Variants in FSIP2 observed in about 807,000 individuals in gnomAD.
FSIP2 encodes fibrous sheath-interacting protein 2.
A neutral mutation model predicts 510.5 loss-of-function variants in FSIP2; 367 were observed. That is an observed-to-expected ratio of 0.72 (90% CI 0.66 to 0.78). FSIP2 has a LOEUF of 0.78. Ranked by LOEUF, FSIP2 falls within the 30% of genes least tolerant of loss-of-function variation. The probability of loss-of-function intolerance (pLI) is 0.00; values close to 1 mark genes in which losing one functional copy is unlikely to be tolerated. For synonymous variants in FSIP2, 2,601 were observed against 2,732.2 expected (o/e 0.95, Z 1.50); for missense variants, 7,594 against 7,901.7 (o/e 0.96, Z 1.48).
At chr2:185,740,744 G>A (rs1691906925) in intron 2 of FSIP2, among the ~76,000 whole-genome samples, 1 of 152,100 alleles carries the variant, frequency 6.6e-6, no homozygotes, top group Non-Finnish European at 1.5e-5. Flanking sequence ...TCCCTGCATG[G>A]TAGAAAGAAG....
chr2:185,773,231 T>G (rs748996483), intron 13 of FSIP2, among the ~76,000 whole-genome samples: 4 of 152,164 alleles, frequency 2.6e-5, no homozygotes, highest in Non-Finnish European at 5.9e-5. Context: ...TGGGAAAAAT[T>G]TATTTCTCCT....
rs1421015894 is a variant in FSIP2 at position 185,793,231 on chromosome 2, G to A, written c.6095G>A (p.Gly2032Glu). 2.0e-6 allele frequency: 3 copies of A among 1,533,832 alleles called. No homozygotes were observed. The highest frequency in any genetic ancestry group is 2.4e-5 in the East Asian group (1 of 40,830). The change falls in exon 16 of 23, where the codon GGG (glycine) becomes GAG (glutamate). Residue 2032 changes from glycine (G) to glutamate (E), a missense_variant. Physicochemically the swap from Gly to Glu is moderately conservative, Grantham distance 98. Coordinates refer to ENST00000424728, the MANE Select transcript of FSIP2 (RefSeq NM_173651.4). The stretch of plus-strand genomic sequence containing the variant: ...AATCCTTTTTTAACTCATGACATTG[G>A]GATTTCTGAAAGTATTGCAAGTCAA... ...RENPFLTHDIGISESIASQIV... is the reference protein window; with the variant it reads ...RENPFLTHDIEISESIASQIV...
At chr2:185,816,222 T>A (rs151134247) in intron 19 of FSIP2, among the ~76,000 whole-genome samples, 79 of 151,126 alleles carry the variant, frequency 5.2e-4, no homozygotes, top group Non-Finnish European at 9.5e-4. Context: ...TCATTCAGCA[T>A]GCTGGAATTG....
At chr2:185,827,261 C>G (rs984055999) in intron 20 of FSIP2, among the ~76,000 whole-genome samples, 2 of 151,510 alleles carry the variant, frequency 1.3e-5, no homozygotes, top group East Asian at 2.0e-4. Context: ...TTTACTATTA[C>G]TTTTTTTTAG....
intron 19 of FSIP2, among the ~76,000 whole-genome samples, chr2:185,820,317 T>C (rs566845256): frequency 6.6e-6 from 1 of 152,032 alleles, no homozygotes; most frequent in Admixed American, 6.6e-5. Flanking sequence ...ACCATGATTG[T>C]AAGTTTCCTG....
Position 185,739,427 on chromosome 2 carries a change from C to G in FSIP2, c.181C>G (p.Pro61Ala), listed in dbSNP as rs1462894396. The change falls in exon 2 of 23, where the codon CCA becomes GCA. Residue 61 changes from proline to alanine, a missense_variant. Coordinates refer to ENST00000424728, the MANE Select transcript of FSIP2 (RefSeq NM_173651.4). Reference sequence around the variant, plus strand: ...TCTCGGGGTCAAGCTGCCTGTGATCCCAGGAAGCAATGCTGTATTCTATAC... The same window carrying G: ...TCTCGGGGTCAAGCTGCCTGTGATCGCAGGAAGCAATGCTGTATTCTATAC... Reference protein sequence around the residue: ...LPLGVKLPVIPGSNAVFYTTN... With the variant: ...LPLGVKLPVIAGSNAVFYTTN... 1.3e-6 allele frequency: 2 copies of G among 1,534,160 alleles called. No individual in the cohort carries two copies. Among genetic ancestry groups the G allele is most frequent in the East Asian group, 4.9e-5 (2 of 40,772 alleles).
chr2:185,750,062 A>G (rs1449452535), intron 7 of FSIP2, among the ~76,000 whole-genome samples: 1 of 151,638 alleles, frequency 6.6e-6, no homozygotes, highest in African/African-American at 2.4e-5. Context: ...TGTTGTATTA[A>G]ATTTGCCAAC....
chr2:185,818,617 A>AT (rs1693864757), intron 19 of FSIP2, among the ~76,000 whole-genome samples: 1 of 151,864 alleles, frequency 6.6e-6, no homozygotes, highest in East Asian at 1.9e-4. Flanking sequence ...ATTATTAGTG[A>AT]TTTTCTCATT....
At position 185,805,661 on chromosome 2, in the gene FSIP2, C is replaced by T. The variant is rs1687764704; in HGVS notation, c.16355C>T (p.Thr5452Ile). ...CAATCATATAAAGATACTTCTTCCA[C>T]CCCAGATTGCAAAAACATGATGAGC... ...PDQSYKDTSS[T>I]PDCKNMMSTL... is the part of the protein sequence containing the mutation. The change falls in exon 17 of 23, where the codon ACC (threonine) becomes ATC (isoleucine). Residue 5452 changes from threonine (T) to isoleucine (I), a missense_variant. By Grantham distance (89) the Thr-to-Ile change is moderately conservative (BLOSUM62 -1). Transcript: ENST00000424728. 1.2e-6 allele frequency: 2 copies of T among 1,610,498 alleles called. No homozygotes were observed. Among genetic ancestry groups the T allele is most frequent in the Admixed American group, 1.7e-5 (1 of 59,476 alleles).
chr2:185,813,856 G>A lies in FSIP2; in HGVS notation c.20139G>A (p.Leu6713=). 1.9e-6 allele frequency: 3 copies of A among 1,613,570 alleles called. No individual in the cohort carries two copies. Among genetic ancestry groups the A allele is most frequent in the Non-Finnish European group, 2.5e-6 (3 of 1,179,724 alleles). Reference sequence around the variant, plus strand: ...GCACGAGCAGCCTGAAAAAATTTTTGTCACTAAGTAAATGTTGTCAGACCA... The same window carrying A: ...GCACGAGCAGCCTGAAAAAATTTTTATCACTAAGTAAATGTTGTCAGACCA... ...TLSTSSLKKF[L]SLSKCCQTTA... The change falls in exon 18 of 23, where the codon TTG becomes TTA. Residue 6713 remains leucine, a synonymous_variant. Coordinates refer to ENST00000424728, the MANE Select transcript of FSIP2 (RefSeq NM_173651.4).
intron 11 of FSIP2, among the ~76,000 whole-genome samples, 196 bp from the exon 12 acceptor site, chr2:185,762,987 G>T (rs1413029169): frequency 1.3e-5 from 2 of 151,510 alleles, no homozygotes; most frequent in Non-Finnish European, 3.0e-5. Context: ...CTGGAAATTT[G>T]TAGGCAGTAA....
In FSIP2 at chr2:185,793,723, T is replaced by C. The variant is rs376627594; in HGVS notation, c.6587T>C (p.Ile2196Thr). 3.6e-5 allele frequency: 55 copies of C among 1,534,612 alleles called. No individual in the cohort carries two copies. Among genetic ancestry groups the C allele is most frequent in the Middle Eastern group, 1.7e-4 (1 of 5,976 alleles). The change falls in exon 16 of 23, where the codon ATA becomes ACA. Residue 2196 changes from isoleucine (I) to threonine (T), a missense_variant. Coordinates refer to ENST00000424728, the MANE Select transcript of FSIP2 (RefSeq NM_173651.4). Reference protein sequence around the residue: ...PLTFCDTFPKIDCQQPLKGSK... With the variant: ...PLTFCDTFPKTDCQQPLKGSK... Reference sequence around the variant, plus strand: ...ACATTTTGTGATACGTTTCCAAAAATAGACTGTCAACAGCCTCTTAAGGGG... The same window carrying C: ...ACATTTTGTGATACGTTTCCAAAAACAGACTGTCAACAGCCTCTTAAGGGG...
rs1353471288 is a variant in FSIP2, at chr2:185,807,769, A to G, written c.18463A>G (p.Lys6155Glu). ...TGAAAACATCGTTGAAAAGATCCTT[A>G]AAGATGTTTTCCAAACTACTGATGT... is the stretch of plus-strand genomic sequence containing the variant. ...EVENIVEKIL[K>E]DVFQTTDVPL... is the part of the protein sequence containing the mutation. The change falls in exon 17 of 23, where the codon AAA becomes GAA. Residue 6155 changes from lysine (K) to glutamate (E), a missense_variant. Transcript: ENST00000424728. 1 of 1,612,482 alleles carries G rather than the reference A, an allele frequency of 6.2e-7. No individual in the cohort carries two copies.
chr2:185,742,565 A>T (rs1288715174), intron 2 of FSIP2, among the ~76,000 whole-genome samples: 6 of 152,148 alleles, frequency 3.9e-5, no homozygotes, highest in Admixed American at 3.9e-4. Context: ...GCACTCAGAG[A>T]TTGTTGGTTC....
At chr2:185,753,907 TTGTGTAATACTC>T (rs1692195430) in intron 8 of FSIP2, 65 bp downstream of exon 8, 6 of 1,130,638 alleles carry the variant, frequency 5.3e-6, no homozygotes, top group African/African-American at 1.6e-5. Context: ...GTAAAAATCC[TTGTGTAATACTC>T]TGTGTATTTA....
Position 185,807,952 on chromosome 2 carries a change from G to T in FSIP2, c.18646G>T (p.Val6216Leu), listed in dbSNP as rs564018154. The change falls in exon 17 of 23, where the codon GTA (valine) becomes TTA (leucine). Residue 6216 changes from valine (V) to leucine (L), a missense_variant. Physicochemically the swap from Val to Leu is conservative, Grantham distance 32. Coordinates refer to ENST00000424728, the MANE Select transcript of FSIP2 (RefSeq NM_173651.4). ...ETDMQKITSK[V>L]LNSVQEFISK... ...TGATATGCAAAAAATAACTTCAAAA[G>T]TACTAAATTCAGTCCAAGAATTTAT... 114 of 1,608,224 alleles carry T rather than the reference G, an allele frequency of 7.1e-5. No individual in the cohort carries two copies. The highest frequency in any genetic ancestry group is 9.3e-5 in the Non-Finnish European group (110 of 1,177,710).
intron 7 of FSIP2, among the ~76,000 whole-genome samples, chr2:185,752,153 T>A (rs1034919809): frequency 6.6e-6 from 1 of 151,290 alleles, no homozygotes; most frequent in African/African-American, 2.4e-5. Context: ...TATACTTTAT[T>A]TTTGAAAACT....
In FSIP2 at chr2:185,796,196, GA is replaced by G; in HGVS notation, c.9064del (p.Met3022CysfsTer3). On this transcript the variant is annotated frameshift_variant, in exon 16 of 23. Transcript: ENST00000424728. LOFTEE classifies it high-confidence loss of function. ...ISKYEFSEIV[K>X]MPIENLSSIQ... ...CCAAATATGAGTTTTCTGAAATTGT[GA>G]AAATGCCTATAGAAAACCTTTCTTC... The G allele has an allele frequency of 1.3e-6, 2 of 1,532,166 alleles. No individual in the cohort carries two copies. The highest frequency in any genetic ancestry group is 1.7e-6 in the Non-Finnish European group (2 of 1,145,322). 94.9% of individuals were successfully genotyped at this position (1,532,166 alleles called of 1,614,324 possible). A position where few individuals can be genotyped will look rare whatever the true frequency, so the allele number is the denominator to read the frequency against.
chr2:185,765,773 T>G (rs1692460899), intron 13 of FSIP2: 1 of 152,104 alleles, frequency 6.6e-6, no homozygotes, highest in South Asian at 2.1e-4. Context: ...TTCCTACCCA[T>G]GAGCATGGAA....
Sources: gnomAD v4.1 joint callset for allele counts (sites outside exome capture counted in the v4.1 genomes callset) on GRCh38, gnomAD v4.1.1 for gene constraint, MANE v1.5 for transcripts, NCBI Gene and HGNC (gene_info 2026-07-23, HGNC 2026-07-21) for gene names.